Variants in GPR89B observed in about 807,000 individuals in gnomAD.
GPR89B encodes golgi pH regulator B, also known as G protein-coupled receptor 89B.
A neutral mutation model predicts 52.4 loss-of-function variants in GPR89B; 25 were observed. The observed-to-expected ratio is 0.48, with a 90% confidence interval of 0.35 to 0.67. GPR89B has a LOEUF of 0.67. GPR89B is among the 30% of genes least tolerant of loss of function. GPR89B has a pLI of 0.01. For missense variants in GPR89B, 146 were observed against 450.2 expected (o/e 0.32, Z 6.11); for synonymous variants, 52 against 151.2 (o/e 0.34, Z 4.81).
At chr1:147,958,386 G>T (rs1656280397) in intron 7 of GPR89B, among the ~76,000 whole-genome samples, 1 of 150,582 alleles carries the variant, frequency 6.6e-6, no homozygotes. Context: ...GTCATGACCG[G>T]GTACTCATGC....
intron 5 of GPR89B, among the ~76,000 whole-genome samples, chr1:147,945,946 G>A (rs1214945472): frequency 3.3e-5 from 5 of 151,976 alleles, no homozygotes; most frequent in South Asian, 4.2e-4. Context: ...GGATGGTCTC[G>A]AACTCCTGAG....
intron 12 of GPR89B, among the ~76,000 whole-genome samples, chr1:147,989,231 G>A (rs2149095246): frequency 6.6e-6 from 1 of 151,088 alleles, no homozygotes; most frequent in East Asian, 1.9e-4. Context: ...AGTCCTTAAT[G>A]TCATCAATAA....
At chr1:147,989,576 C>T (rs1437278922) in intron 12 of GPR89B, among the ~76,000 whole-genome samples, 2 of 151,854 alleles carry the variant, frequency 1.3e-5, no homozygotes, top group African/African-American at 2.4e-5. Context: ...TGCTGTCCCT[C>T]CCCCCTTCCC....
At chr1:147,937,697 G>A (rs1260107228) in intron 2 of GPR89B, among the ~76,000 whole-genome samples, 1 of 152,164 alleles carries the variant, frequency 6.6e-6, no homozygotes, top group African/African-American at 2.4e-5. Flanking sequence ...CCTGCAAGCA[G>A]TCGGACCTTA....
intron 10 of GPR89B, among the ~76,000 whole-genome samples, chr1:147,984,523 TATTTC>T (rs1369333951): frequency 5.4e-5 from 8 of 149,360 alleles, no homozygotes; most frequent in Non-Finnish European, 1.2e-4. Flanking sequence ...CATTTTTTGC[TATTTC>T]ATTGATTTCT....
chr1:148,020,504 C>T, the GPR89B span, among the ~76,000 whole-genome samples: 425 of 151,538 alleles, frequency 2.8e-3, 5 homozygotes, highest in Non-Finnish European at 2.3e-3. Flanking sequence ...GAATTCTCGC[C>T]TCCCACCCGG....
the GPR89B span, among the ~76,000 whole-genome samples, chr1:148,025,511 T>C: frequency 2.1e-5 from 1 of 46,706 alleles, no homozygotes; most frequent in Non-Finnish European, 3.8e-5. Context: ...CAACAAGAAC[T>C]AAACTCTGTC....
downstream of GPR89B, among the ~76,000 whole-genome samples, chr1:147,993,681 AG>A (rs1659231464): frequency 2.0e-5 from 3 of 151,432 alleles, no homozygotes; most frequent in South Asian, 6.3e-4. Flanking sequence ...CACTTGTGAA[AG>A]GGAAATGTTG....
chr1:147,970,271 A>G (rs1282496890), intron 10 of GPR89B, among the ~76,000 whole-genome samples: 1 of 152,094 alleles, frequency 6.6e-6, no homozygotes, highest in East Asian at 1.9e-4. Flanking sequence ...CAAGGCAGGC[A>G]TATCACCTGA....
At chr1:147,943,837 G>A (rs1654747547) in intron 4 of GPR89B, 160 bp from the exon 5 acceptor site, 10 of 817,322 alleles carry the variant, frequency 1.2e-5, no homozygotes, top group East Asian at 2.8e-5. Context: ...TTTCTCTTAC[G>A]ATGGTAAGGA....
chr1:147,970,563 C>A (rs1250768988), intron 10 of GPR89B, among the ~76,000 whole-genome samples: 48 of 140,064 alleles, frequency 3.4e-4, no homozygotes, highest in African/African-American at 6.4e-4. Context: ...CTATCTCTCT[C>A]TCTCTCTATA....
intron 10 of GPR89B, among the ~76,000 whole-genome samples, chr1:147,979,672 G>C: frequency 6.6e-6 from 1 of 151,836 alleles, no homozygotes; most frequent in Middle Eastern, 3.4e-3. Flanking sequence ...TGCTATAGTT[G>C]ATTATATTCA....
At chr1:148,012,989 G>A in the GPR89B span, among the ~76,000 whole-genome samples, 1 of 151,982 alleles carries the variant, frequency 6.6e-6, no homozygotes, top group Non-Finnish European at 1.5e-5. Context: ...ACTATATTCG[G>A]ACAATGAAAA....
At chr1:147,975,410 A>C (rs1300631618) in intron 10 of GPR89B, among the ~76,000 whole-genome samples, 2 of 146,740 alleles carry the variant, frequency 1.4e-5, no homozygotes, top group Non-Finnish European at 3.0e-5. Flanking sequence ...GTATGTGTCC[A>C]AGAATTTATC....
downstream of GPR89B, among the ~76,000 whole-genome samples, chr1:147,997,308 G>A (rs1324942101): frequency 4.8e-4 from 73 of 152,320 alleles, no homozygotes; most frequent in Middle Eastern, 6.8e-3. Flanking sequence ...GTGTGTGTCT[G>A]TGAAGGTGGT....
chr1:147,948,756 A>ATTTT (rs199854363), intron 5 of GPR89B, among the ~76,000 whole-genome samples: 1 of 138,298 alleles, frequency 7.2e-6, no homozygotes, highest in African/African-American at 2.7e-5. Context: ...AGATAAAATA[A>ATTTT]TTTTTTTTTT....
chr1:148,007,318 G>A, the GPR89B span, among the ~76,000 whole-genome samples: 91 of 152,160 alleles, frequency 6.0e-4, no homozygotes, highest in African/African-American at 1.4e-3. Context: ...CTTAAGATCC[G>A]CCTGCCTCGG....
At chr1:147,998,655 G>A in the GPR89B span, among the ~76,000 whole-genome samples, 3,319 of 151,496 alleles carry the variant, frequency 0.022, 58 homozygotes, top group Non-Finnish European at 0.035. Flanking sequence ...CAAGGTGGGC[G>A]GATCACTTGA....
the GPR89B span, among the ~76,000 whole-genome samples, chr1:148,004,886 AACACACACACACACACACACACAC>A: frequency 8.9e-6 from 1 of 111,858 alleles, no homozygotes; most frequent in Non-Finnish European, 1.9e-5. Flanking sequence ...ATCTCTACAA[AACACACACACACACACACACACAC>A]ACACACACAC....
Sources: allele counts gnomAD v4.1 joint callset (sites outside exome capture counted in the v4.1 genomes callset), GRCh38; gene constraint gnomAD v4.1.1; transcripts MANE v1.5; gene names NCBI Gene and HGNC (gene_info 2026-07-23, HGNC 2026-07-21).